The following IGSF21 variants were observed in gnomAD, a reference collection of about 807,000 sequenced individuals.
IGSF21 encodes the protein immunoglobin superfamily member 21, also known as immunoglobulin superfamily member 21.
A neutral mutation model predicts 46.8 loss-of-function variants in IGSF21; 28 were observed. That is an observed-to-expected ratio of 0.60 (90% CI 0.44 to 0.82). The LOEUF (loss-of-function observed/expected upper bound fraction) is 0.82, where lower values mean the gene tolerates loss of function less well. Among genes scored for constraint, IGSF21 ranks in the 40% least tolerant of loss-of-function variants. The pLI is 0.00. For missense variants in IGSF21, 624 were observed against 665.5 expected, an observed-to-expected ratio of 0.94 and a Z score of 0.69; for synonymous variants, 284 against 273.6, an observed-to-expected ratio of 1.04 and a Z score of -0.38.
chr1:18,146,299 C>T (rs914362293), intron 1 of IGSF21, among the ~76,000 whole-genome samples: 18 of 152,122 alleles, frequency 1.2e-4, no homozygotes, highest in Admixed American at 9.2e-4. Flanking sequence ...GAGCGTCCAT[C>T]AGTTTGAGGA....
In IGSF21 at chr1:18,112,063, G is replaced by A. The variant is rs928562346; in HGVS notation, c.70+3865G>A. 2.0e-5 allele frequency: 3 copies of A among 152,322 alleles called. No homozygotes were observed. In the South Asian group the frequency reaches 6.2e-4, roughly 32 times the overall value. 9.4% of individuals were successfully genotyped at this position (152,322 alleles called of 1,614,324 possible). A position where few individuals can be genotyped will look rare whatever the true frequency, so the allele number is the denominator to read the frequency against. Reference sequence around the variant, plus strand: ...TGGAGGAGCTTAGGGGACTTGCTTAGTTAGGTGCCTGGTTTATAGTGGTGT... The same window carrying A: ...TGGAGGAGCTTAGGGGACTTGCTTAATTAGGTGCCTGGTTTATAGTGGTGT... On this transcript the variant is annotated intron_variant, in intron 1 of 9. Transcript: ENST00000251296.
At chr1:18,133,316 AC>A (rs1008072484) in intron 1 of IGSF21, among the ~76,000 whole-genome samples, 1 of 152,070 alleles carries the variant, frequency 6.6e-6, no homozygotes, top group African/African-American at 2.4e-5. Context: ...TTCTGGTCTA[AC>A]CCCCATGTCA....
In IGSF21 at chr1:18,372,515, A is replaced by AGGATGGATGGATGGAT. The variant is rs55650912; in HGVS notation, c.1016-3769_1016-3754dup. Reference sequence around the variant, plus strand: ...TAAAATGAATGCTTGGATGGATGGAAGGATGGATGGATGGATGGATGGATG... The same window carrying AGGATGGATGGATGGAT: ...TAAAATGAATGCTTGGATGGATGGAAGGATGGATGGATGGATGGATGGATGGATGGATGGATGGATG... On this transcript the variant is annotated intron_variant, in intron 6 of 9. Transcript: ENST00000251296. Among the ~76,000 whole-genome samples, 153 of 140,054 alleles carry AGGATGGATGGATGGAT rather than the reference A, an allele frequency of 1.1e-3. 1 individual carries two copies. The highest frequency in any genetic ancestry group is 3.9e-3 in the Middle Eastern group (1 of 254). 91.9% of individuals were successfully genotyped at this position (140,054 alleles called of 152,430 possible).
intron 2 of IGSF21, among the ~76,000 whole-genome samples, chr1:18,264,887 T>G (rs1380806873): frequency 6.6e-6 from 1 of 152,144 alleles, no homozygotes; most frequent in Non-Finnish European, 1.5e-5. Flanking sequence ...GGGCCTGCTT[T>G]GCAGGGCCAT....
intron 6 of IGSF21, among the ~76,000 whole-genome samples, chr1:18,367,090 C>T (rs1033881662): frequency 1.3e-5 from 2 of 152,176 alleles, no homozygotes; most frequent in Admixed American, 1.3e-4. Flanking sequence ...TACTCCAAAA[C>T]TCCTGTAGTG....
chr1:18,154,497 C>T (rs1229032020), intron 1 of IGSF21, among the ~76,000 whole-genome samples: 1 of 152,054 alleles, frequency 6.6e-6, no homozygotes, highest in Non-Finnish European at 1.5e-5. Flanking sequence ...CACCCCTGAC[C>T]CTGTGCTGGG....
chr1:18,282,646 AC>A (rs2085173022), intron 2 of IGSF21, among the ~76,000 whole-genome samples: 1 of 151,406 alleles, frequency 6.6e-6, no homozygotes, highest in African/African-American at 2.4e-5. Flanking sequence ...ACACACACAC[AC>A]ACACACACAC....
At chr1:18,207,241 C>T (rs1452292950) in intron 1 of IGSF21, among the ~76,000 whole-genome samples, 1 of 152,194 alleles carries the variant, frequency 6.6e-6, no homozygotes, top group Non-Finnish European at 1.5e-5. Flanking sequence ...TCTCCCATCC[C>T]TAGAGGGAGA....
intron 1 of IGSF21, among the ~76,000 whole-genome samples, chr1:18,143,051 G>C (rs533220346): frequency 6.6e-6 from 1 of 152,170 alleles, no homozygotes; most frequent in Non-Finnish European, 1.5e-5. Context: ...CCTTCTCTCA[G>C]GGACAGGACT....
rs975999249 is a variant in IGSF21 at position 18,273,350 on chromosome 1, C to A, written c.184-18516C>A. On this transcript the variant is annotated intron_variant, in intron 2 of 9. Transcript: ENST00000251296. ...GCCACCATTCCTTTCCTTTCCTTTCCTTTCCTTTCCTTTCCTTTCCTTTCC... is the reference window on the plus strand; with the variant it reads ...GCCACCATTCCTTTCCTTTCCTTTCATTTCCTTTCCTTTCCTTTCCTTTCC... Among the ~76,000 whole-genome samples the A allele has an allele frequency of 1.2e-4, 12 of 101,228 alleles. 1 individual carries two copies. Among genetic ancestry groups the A allele is most frequent in the African/African-American group, 5.3e-4 (11 of 20,646 alleles). The allele number at this position is 101,228 out of a possible 152,430, so 66.4% of individuals were successfully genotyped here. A position where few individuals can be genotyped will look rare whatever the true frequency, so the allele number is the denominator to read the frequency against.
intron 3 of IGSF21, among the ~76,000 whole-genome samples, chr1:18,329,523 T>A (rs2085692015): frequency 6.6e-6 from 1 of 152,122 alleles, no homozygotes; most frequent in Non-Finnish European, 1.5e-5. Context: ...CAGGCTTCCC[T>A]CCTTGCCTGG....
At chr1:18,170,506 C>T (rs915372516) in intron 1 of IGSF21, among the ~76,000 whole-genome samples, 1 of 151,342 alleles carries the variant, frequency 6.6e-6, no homozygotes, top group African/African-American at 2.4e-5. Context: ...TATTAAATGT[C>T]TTCTGCTTGC....
intron 1 of IGSF21, among the ~76,000 whole-genome samples, chr1:18,136,657 T>C (rs2086370033): frequency 1.3e-5 from 2 of 152,356 alleles, no homozygotes; most frequent in Non-Finnish European, 1.5e-5. Flanking sequence ...TTGGTAACTG[T>C]AGCCTTGTAG....
At chr1:18,162,827 C>T (rs541714016) in intron 1 of IGSF21, among the ~76,000 whole-genome samples, 7 of 152,290 alleles carry the variant, frequency 4.6e-5, no homozygotes, top group Non-Finnish European at 8.8e-5. Context: ...AGACCGTATT[C>T]ACCCTCTAAA....
chr1:18,275,568 A>G (rs181137096), intron 2 of IGSF21, among the ~76,000 whole-genome samples: 7 of 152,264 alleles, frequency 4.6e-5, no homozygotes, highest in Non-Finnish European at 7.4e-5. Flanking sequence ...CTCACCTGGA[A>G]CTATCTGATG....
chr1:18,271,191 C>G (rs972057383), intron 2 of IGSF21, among the ~76,000 whole-genome samples: 2 of 152,114 alleles, frequency 1.3e-5, no homozygotes, highest in East Asian at 3.9e-4. Context: ...GGAGAGCTCA[C>G]CACCCACCGT....
At chr1:18,194,786 C>T (rs768651229) in intron 1 of IGSF21, among the ~76,000 whole-genome samples, 32 of 152,296 alleles carry the variant, frequency 2.1e-4, no homozygotes, top group South Asian at 4.2e-4. Context: ...ACTCTTTTGA[C>T]GGAGTGATAA....
At chr1:18,364,028 C>T (rs560076277) in intron 5 of IGSF21, among the ~76,000 whole-genome samples, 1 of 152,206 alleles carries the variant, frequency 6.6e-6, no homozygotes, top group East Asian at 1.9e-4. Flanking sequence ...AGAAAAAGTC[C>T]TTTCCTGAAA....
chr1:18,267,454 G>C (rs973408166), intron 2 of IGSF21, among the ~76,000 whole-genome samples: 2 of 152,080 alleles, frequency 1.3e-5, no homozygotes, highest in African/African-American at 2.4e-5. Context: ...CTCCCACTTG[G>C]GCCCACCCTC....
Sources: allele counts gnomAD v4.1 joint callset (sites outside exome capture counted in the v4.1 genomes callset), GRCh38; gene constraint gnomAD v4.1.1; transcripts MANE v1.5; gene names NCBI Gene and HGNC (gene_info 2026-07-23, HGNC 2026-07-21).